The following ABTB3 variants were observed in gnomAD, a reference collection of about 807,000 sequenced individuals.
ABTB3 encodes the protein ankyrin repeat and BTB domain containing 3.
the ABTB3 span, among the ~76,000 whole-genome samples, chr12:107,331,878 A>C: frequency 2.6e-5 from 4 of 152,166 alleles, no homozygotes; most frequent in African/African-American, 7.2e-5. Context: ...GATGGAGGGC[A>C]GGGGCCTCCC....
chr12:107,616,972 C>T, the ABTB3 span: 2 of 1,042,674 alleles, frequency 1.9e-6, no homozygotes, highest in Non-Finnish European at 2.9e-6. Context: ...TGCACGCTGT[C>T]ACCAACCTAG....
chr12:107,364,595 C>G, the ABTB3 span, among the ~76,000 whole-genome samples: 1 of 152,114 alleles, frequency 6.6e-6, no homozygotes, highest in Non-Finnish European at 1.5e-5. Flanking sequence ...CTGGCCTTGG[C>G]TTTCAAACAC....
the ABTB3 span, among the ~76,000 whole-genome samples, chr12:107,622,034 A>T: frequency 1.3e-5 from 2 of 152,264 alleles, no homozygotes; most frequent in African/African-American, 4.8e-5. Context: ...TGAGCCCAGG[A>T]GTTCGAGATT....
chr12:107,326,029 C>A, the ABTB3 span, among the ~76,000 whole-genome samples: 1 of 152,214 alleles, frequency 6.6e-6, no homozygotes, highest in Non-Finnish European at 1.5e-5. Context: ...CCTCAGCCTC[C>A]TGAGTAACTG....
chr12:107,636,823 C>G, the ABTB3 span, among the ~76,000 whole-genome samples: 5 of 152,256 alleles, frequency 3.3e-5, no homozygotes, highest in Non-Finnish European at 7.3e-5. Flanking sequence ...GCAACAATCT[C>G]TGATGTCTAG....
chr12:107,557,745 T>G, the ABTB3 span, among the ~76,000 whole-genome samples: 1 of 152,248 alleles, frequency 6.6e-6, no homozygotes, highest in Admixed American at 6.5e-5. Flanking sequence ...GTATGTATTA[T>G]TATTGTCATC....
chr12:107,634,497 T>A, the ABTB3 span, among the ~76,000 whole-genome samples: 12,809 of 152,212 alleles, frequency 0.084, 633 homozygotes, highest in Middle Eastern at 0.11. Flanking sequence ...ATTGTAAACA[T>A]TTTTCAATGT....
the ABTB3 span, among the ~76,000 whole-genome samples, chr12:107,390,157 C>T: frequency 1.8e-4 from 28 of 152,288 alleles, no homozygotes; most frequent in Non-Finnish European, 2.8e-4. Flanking sequence ...CAGAGATCAG[C>T]TACCACAGTG....
chr12:107,484,126 C>T, the ABTB3 span, among the ~76,000 whole-genome samples: 6 of 152,138 alleles, frequency 3.9e-5, no homozygotes, highest in African/African-American at 7.2e-5. Flanking sequence ...GGAAACACAA[C>T]GACAAACATC....
At chr12:107,528,196 T>A in the ABTB3 span, among the ~76,000 whole-genome samples, 27 of 152,158 alleles carry the variant, frequency 1.8e-4, 1 homozygote, top group Non-Finnish European at 1.6e-4. Flanking sequence ...GCTCCACAGA[T>A]GATCCTGAGT....
the ABTB3 span, among the ~76,000 whole-genome samples, chr12:107,616,897 G>A: frequency 3.3e-5 from 5 of 152,180 alleles, no homozygotes; most frequent in African/African-American, 7.2e-5. Context: ...AACACATTCC[G>A]AGTAGCCTAG....
the ABTB3 span, among the ~76,000 whole-genome samples, chr12:107,394,218 C>T: frequency 6.9e-6 from 1 of 144,548 alleles, no homozygotes; most frequent in Non-Finnish European, 1.6e-5. Flanking sequence ...CCTTGTTGGC[C>T]CATTTGACAG....
chr12:107,425,832 C>T, the ABTB3 span, among the ~76,000 whole-genome samples: 1 of 152,220 alleles, frequency 6.6e-6, no homozygotes, highest in South Asian at 2.1e-4. Flanking sequence ...TGGTGCCAAT[C>T]CTCCCCTACC....
At chr12:107,354,371 A>T in the ABTB3 span, among the ~76,000 whole-genome samples, 2 of 152,126 alleles carry the variant, frequency 1.3e-5, no homozygotes, top group Non-Finnish European at 2.9e-5. Context: ...TATAATCTTT[A>T]GCAGTCATAC....
chr12:107,356,650 C>A, the ABTB3 span, among the ~76,000 whole-genome samples: 6 of 152,282 alleles, frequency 3.9e-5, no homozygotes, highest in East Asian at 5.8e-4. Flanking sequence ...AATGTTCCAC[C>A]CTGTGTGCCA....
At chr12:107,653,717 C>T in the ABTB3 span, among the ~76,000 whole-genome samples, 2 of 152,208 alleles carry the variant, frequency 1.3e-5, 1 homozygote, top group South Asian at 4.2e-4. Context: ...GAGACCGAAG[C>T]ACAGAGAGGT....
chr12:107,563,651 CTA>C, the ABTB3 span, among the ~76,000 whole-genome samples: 2 of 151,864 alleles, frequency 1.3e-5, no homozygotes, highest in East Asian at 3.9e-4. Flanking sequence ...AAAAAAAAAA[CTA>C]TTGTGGTTAT....
chr12:107,617,492 G>T, the ABTB3 span: 1 of 1,599,098 alleles, frequency 6.3e-7, no homozygotes. Flanking sequence ...TAAAAATGCA[G>T]ATTCCCAGGC....
the ABTB3 span, chr12:107,617,203 C>A: frequency 1.2e-6 from 2 of 1,614,032 alleles, no homozygotes; most frequent in Admixed American, 3.3e-5. Flanking sequence ...CTGGTTCTCA[C>A]CCTGGCCAGG....
Sources: gnomAD v4.1 joint callset for allele counts (sites outside exome capture counted in the v4.1 genomes callset) on GRCh38, gnomAD v4.1.1 for gene constraint, MANE v1.5 for transcripts, NCBI Gene and HGNC (gene_info 2026-07-23, HGNC 2026-07-21) for gene names.